The following BLNK variants were observed in gnomAD, a reference collection of about 807,000 sequenced individuals.
BLNK encodes B cell linker.
In BLNK, 29 loss-of-function variants were observed where a neutral mutation model predicts 73.5. The ratio of observed to expected loss-of-function variants is 0.39; its 90% CI spans 0.29 to 0.54. The LOEUF (loss-of-function observed/expected upper bound fraction) is 0.54, where lower values mean the gene tolerates loss of function less well. Ranked by LOEUF, BLNK falls within the 20% of genes least tolerant of loss-of-function variation. BLNK has a pLI of 0.61. For synonymous variants in BLNK, 176 were observed against 200.8 expected (o/e 0.88, Z 1.04); for missense variants, 460 against 562.8 (o/e 0.82, Z 1.85).
chr10:96,221,310 A>G (rs1227054169), intron 6 of BLNK, among the ~76,000 whole-genome samples: 1 of 152,062 alleles, frequency 6.6e-6, no homozygotes, highest in Non-Finnish European at 1.5e-5. Context: ...TCTTTGCCCC[A>G]CCTCCAGCTC....
intron 3 of BLNK, among the ~76,000 whole-genome samples, chr10:96,236,135 G>C (rs1043499170): frequency 2.0e-5 from 3 of 152,052 alleles, no homozygotes; most frequent in Non-Finnish European, 4.4e-5. Flanking sequence ...GTCAATAGGA[G>C]CACCAGAGCC....
chr10:96,230,659 G>C, intron 4 of BLNK, 135 bp downstream of exon 4: 1 of 987,516 alleles, frequency 1.0e-6, no homozygotes, highest in Non-Finnish European at 1.6e-6. Flanking sequence ...AGTATGCCTT[G>C]CCTGTAGGTG....
intron 1 of BLNK, among the ~76,000 whole-genome samples, chr10:96,252,263 G>C (rs1843316482): frequency 6.6e-6 from 1 of 152,130 alleles, no homozygotes; most frequent in African/African-American, 2.4e-5. Context: ...ATGTTGGCCA[G>C]GCTGGTCTTG....
At chr10:96,239,014 C>T (rs1459810748) in intron 3 of BLNK, 1 of 397,408 alleles carries the variant, frequency 2.5e-6, no homozygotes, top group Non-Finnish European at 4.4e-6. Flanking sequence ...TAACAAGCTC[C>T]AGATGAGGTT....
chr10:96,220,270 C>T (rs1254888758), intron 6 of BLNK, among the ~76,000 whole-genome samples: 3 of 152,156 alleles, frequency 2.0e-5, no homozygotes, highest in East Asian at 1.9e-4. Flanking sequence ...CCCACCCACA[C>T]GTGTCCATGT....
intron 2 of BLNK, among the ~76,000 whole-genome samples, chr10:96,244,339 C>T (rs1842971445): frequency 6.6e-6 from 1 of 152,182 alleles, no homozygotes; most frequent in African/African-American, 2.4e-5. Context: ...TCCATTATTA[C>T]TATCATTTCA....
intron 8 of BLNK, among the ~76,000 whole-genome samples, chr10:96,211,272 T>C (rs1313440342): frequency 6.6e-6 from 1 of 152,094 alleles, no homozygotes; most frequent in Non-Finnish European, 1.5e-5. Context: ...TAAGCACACA[T>C]TGAAATAATA....
rs191763928 is a variant in BLNK, at chr10:96,243,503, C to T, written c.114-719G>A. Among the ~76,000 whole-genome samples the T allele has an allele frequency of 9.2e-5, 14 of 152,256 alleles. No individual in the cohort carries two copies. The East Asian group carries it at 2.3e-3, about 25-fold the overall frequency. On this transcript the variant is annotated intron_variant, in intron 2 of 16. Coordinates refer to ENST00000224337, the MANE Select transcript of BLNK (RefSeq NM_013314.4). ...TCAAAGCTGCAGTGAGCCATGATCA[C>T]GCCCCTGTACTCCAGCTTGGGCGAC...
intron 8 of BLNK, 45 bp from the exon 9 acceptor site, chr10:96,209,952 G>T (rs781784183): frequency 6.2e-7 from 1 of 1,604,418 alleles, no homozygotes; most frequent in East Asian, 2.2e-5. Flanking sequence ...CCTGAGCCGG[G>T]GGCTGATGCT....
At chr10:96,246,189 AG>A (rs57328150) in intron 2 of BLNK, among the ~76,000 whole-genome samples, 119,325 of 151,896 alleles carry the variant, frequency 0.79, 48,486 homozygotes, top group Non-Finnish European at 0.9. Flanking sequence ...TTGAGATGCT[AG>A]GCTTTCCCTC....
intron 5 of BLNK, among the ~76,000 whole-genome samples, chr10:96,225,259 C>T (rs1842202104): frequency 6.6e-6 from 1 of 152,324 alleles, no homozygotes; most frequent in Admixed American, 6.5e-5. Context: ...CTGGGAACAG[C>T]ACAGGTGCTA....
chr10:96,267,338 C>G (rs1206180820), intron 1 of BLNK, among the ~76,000 whole-genome samples: 1 of 152,022 alleles, frequency 6.6e-6, no homozygotes, highest in Non-Finnish European at 1.5e-5. Flanking sequence ...AGAAAACCTG[C>G]AGGGTGTGGT....
At chr10:96,198,297 A>G (rs1163651329) in intron 15 of BLNK, among the ~76,000 whole-genome samples, 3 of 152,200 alleles carry the variant, frequency 2.0e-5, no homozygotes, top group African/African-American at 7.2e-5. Flanking sequence ...TCCAAAACGC[A>G]TGTAAATTGA....
chr10:96,232,794 T>C (rs1842553136), intron 3 of BLNK, among the ~76,000 whole-genome samples: 1 of 148,976 alleles, frequency 6.7e-6, no homozygotes, highest in African/African-American at 2.5e-5. Context: ...AATGGGGGAG[T>C]ATGTTTCTTT....
At chr10:96,199,677 C>G in intron 15 of BLNK, 1 of 376,640 alleles carries the variant, frequency 2.7e-6, no homozygotes, top group Non-Finnish European at 5.3e-6. Context: ...ATCATAAGGA[C>G]GACAACTGTG....
At chr10:96,220,464 G>A (rs1454662439) in intron 6 of BLNK, among the ~76,000 whole-genome samples, 1 of 152,118 alleles carries the variant, frequency 6.6e-6, no homozygotes, top group Non-Finnish European at 1.5e-5. Context: ...ATCTTTATAG[G>A]GTTTTAGGAG....
At chr10:96,193,068 T>G (rs1398482738) in intron 16 of BLNK, among the ~76,000 whole-genome samples, 1 of 152,180 alleles carries the variant, frequency 6.6e-6, no homozygotes, top group African/African-American at 2.4e-5. Flanking sequence ...GGCCAACATT[T>G]CCAAATGAAA....
Position 96,230,899 on chromosome 10 carries a change from C to T in BLNK, c.164-65G>A, listed in dbSNP as rs1487048389. ...CCTCAGCTGGCCAGCCCCAGCCCAT[C>T]CACACACATTTCGCACCTGCCTTCC... On this transcript the variant is annotated intron_variant, in intron 3 of 16. Coordinates refer to ENST00000224337, the MANE Select transcript of BLNK (RefSeq NM_013314.4). The T allele has an allele frequency of 6.4e-6, 10 of 1,563,708 alleles. No homozygotes were observed. In the African/African-American group the frequency reaches 6.7e-5, roughly 11 times the overall value.
In BLNK at chr10:96,200,038, A is replaced by G. The variant is rs1554895706; in HGVS notation, c.1095+37T>C. On this transcript the variant is annotated intron_variant, in intron 15 of 16. Coordinates refer to ENST00000224337, the MANE Select transcript of BLNK (RefSeq NM_013314.4). The surrounding 1 kb of genome is among the most constrained non-coding windows in gnomAD (Gnocchi z 4.3). Reference sequence around the variant, plus strand: ...TCTCAAAACAAATAAATAAAATAAAATAAAATAAAAATAATAAATAATAAA... The same window carrying G: ...TCTCAAAACAAATAAATAAAATAAAGTAAAATAAAAATAATAAATAATAAA... The G allele has an allele frequency of 7.6e-7, 1 of 1,311,032 alleles. No individual in the cohort carries two copies. The highest frequency in any genetic ancestry group is 9.9e-7 in the Non-Finnish European group (1 of 1,006,620). 81.2% of individuals were successfully genotyped at this position (1,311,032 alleles called of 1,614,324 possible). A position where few individuals can be genotyped will look rare whatever the true frequency, so the allele number is the denominator to read the frequency against.
Sources: gnomAD v4.1 joint callset for allele counts (sites outside exome capture counted in the v4.1 genomes callset) on GRCh38, gnomAD v4.1.1 for gene constraint, Gnocchi (gnomAD v3.1) non-coding constraint, MANE v1.5 for transcripts, NCBI Gene and HGNC (gene_info 2026-07-23, HGNC 2026-07-21) for gene names.